The following ADAMTS19 variants were observed in gnomAD, a reference collection of about 807,000 sequenced individuals.
ADAMTS19 encodes A disintegrin and metalloproteinase with thrombospondin motifs 19.
ADAMTS19 carries 93 observed loss-of-function variants against 153.3 expected under a neutral mutation model. The ratio of observed to expected loss-of-function variants is 0.61; its 90% CI spans 0.51 to 0.72. The LOEUF (loss-of-function observed/expected upper bound fraction) is 0.72. Ranked by LOEUF, ADAMTS19 falls within the 30% of genes least tolerant of loss-of-function variation. The pLI is 0.00. For synonymous variants in ADAMTS19, 600 were observed against 556.6 expected, an observed-to-expected ratio of 1.08 and a Z score of -1.10; for missense variants, 1,482 against 1,552.1, an observed-to-expected ratio of 0.95 and a Z score of 0.76.
intron 22 of ADAMTS19, among the ~76,000 whole-genome samples, 174 bp from the exon 23 acceptor site, chr5:129,736,893 T>A (rs994861200): frequency 1.3e-5 from 2 of 152,128 alleles, no homozygotes; most frequent in African/African-American, 4.8e-5. Flanking sequence ...CTTTACTTTT[T>A]AATCATAGGA....
chr5:129,630,136 T>C (rs1325332717), intron 10 of ADAMTS19, among the ~76,000 whole-genome samples: 1 of 152,130 alleles, frequency 6.6e-6, no homozygotes, highest in Non-Finnish European at 1.5e-5. Context: ...CATCCAAGTT[T>C]GTAGGACTCT....
chr5:129,549,937 T>G, intron 6 of ADAMTS19, among the ~76,000 whole-genome samples: 1 of 133,088 alleles, frequency 7.5e-6, no homozygotes, highest in African/African-American at 3.0e-5. Context: ...TATATATACA[T>G]ATACATGTAT....
intron 21 of ADAMTS19, among the ~76,000 whole-genome samples, chr5:129,720,278 T>G (rs1756940857): frequency 6.6e-6 from 1 of 151,374 alleles, no homozygotes; most frequent in East Asian, 2.0e-4. Context: ...TTCAAGCGAT[T>G]CTTGTTCCTC....
rs1428794303 is a variant in ADAMTS19, at chr5:129,738,512, T to C, written c.*1294T>C. 1 of 151,998 alleles carries C rather than the reference T, an allele frequency of 6.6e-6. No homozygotes were observed. Among genetic ancestry groups the C allele is most frequent in the Non-Finnish European group, 1.5e-5 (1 of 67,976 alleles). 9.4% of individuals were successfully genotyped at this position (151,998 alleles called of 1,614,324 possible). ...TACTTCTCATTATAAAAGTTTCAGG[T>C]TCCCTAAAATTGGGGTTTCTTTACT... On this transcript the variant is annotated 3_prime_UTR_variant, in exon 23 of 23. Coordinates refer to ENST00000274487, the MANE Select transcript of ADAMTS19 (RefSeq NM_133638.6).
At chr5:129,679,723 T>C in intron 16 of ADAMTS19, 41 bp from the exon 17 acceptor site, 1 of 1,465,498 alleles carries the variant, frequency 6.8e-7, no homozygotes, top group Non-Finnish European at 9.2e-7. Flanking sequence ...TCAATGAAGC[T>C]GACTTGTTAA....
chr5:129,560,962 GAATTATTTA>G (rs1753491193), intron 7 of ADAMTS19, among the ~76,000 whole-genome samples: 1 of 151,992 alleles, frequency 6.6e-6, no homozygotes, highest in African/African-American at 2.4e-5. Context: ...TTACATTCTT[GAATTATTTA>G]AGATCCCAAA....
In ADAMTS19 at chr5:129,702,760, T is replaced by A. The variant is rs149121968; in HGVS notation, c.3159+1168T>A. Among the ~76,000 whole-genome samples, 1,134 of 151,684 alleles carry A rather than the reference T, an allele frequency of 7.5e-3. 21 individuals carry two copies. Among genetic ancestry groups the A allele is most frequent in the African/African-American group, 0.026 (1,082 of 41,310 alleles). ...CCCACCGCAACCCAATCAAAACATT[T>A]TTGCAAACTCTTCGGGAGAAAATTG... On this transcript the variant is annotated intron_variant, in intron 20 of 22. Transcript: ENST00000274487.
At chr5:129,587,368 A>G (rs1749866420) in intron 7 of ADAMTS19, among the ~76,000 whole-genome samples, 1 of 151,060 alleles carries the variant, frequency 6.6e-6, no homozygotes, top group Admixed American at 6.6e-5. Flanking sequence ...GCTAACTGCT[A>G]TATTTGGTCA....
intron 2 of ADAMTS19, among the ~76,000 whole-genome samples, chr5:129,473,091 C>CA (rs970273428): frequency 6.7e-6 from 1 of 148,886 alleles, no homozygotes; most frequent in African/African-American, 2.5e-5. Flanking sequence ...TCTCAAATGA[C>CA]AAAAAAATAA....
At chr5:129,623,249 T>A (rs30710) in intron 10 of ADAMTS19, among the ~76,000 whole-genome samples, 57,466 of 152,046 alleles carry the variant, frequency 0.38, 11,346 homozygotes, top group African/African-American at 0.49. Context: ...TGTTAGGTCC[T>A]TAAAATCTAA....
In ADAMTS19 at chr5:129,622,352, A is replaced by G. The variant is rs766872188; in HGVS notation, c.1770+4A>G. ...TTCTTTTTGTCAGGAGATGCAGGTA[A>G]AGATCCAGGTGGGGATTTTGTGCGT... On this transcript the variant is annotated splice_donor_region_variant and intron_variant, in intron 10 of 22. Transcript: ENST00000274487. 6.2e-7 allele frequency: 1 copy of G among 1,613,924 alleles called. No individual in the cohort carries two copies. Among genetic ancestry groups the G allele is most frequent in the Non-Finnish European group, 8.5e-7 (1 of 1,179,904 alleles).
At chr5:129,724,022 C>T (rs965276740) in intron 21 of ADAMTS19, among the ~76,000 whole-genome samples, 2 of 152,146 alleles carry the variant, frequency 1.3e-5, no homozygotes, top group Admixed American at 1.3e-4. Context: ...TAAGGGGTTG[C>T]GGAGACCACT....
chr5:129,643,462 G>T (rs1276088294), intron 11 of ADAMTS19, among the ~76,000 whole-genome samples: 3 of 151,376 alleles, frequency 2.0e-5, no homozygotes, highest in Non-Finnish European at 4.4e-5. Flanking sequence ...AAGTAGAATT[G>T]ATGGATTGAT....
In ADAMTS19 at chr5:129,738,526, G is replaced by A. The variant is rs868451415; in HGVS notation, c.*1308G>A. On this transcript the variant is annotated 3_prime_UTR_variant, in exon 23 of 23. Transcript: ENST00000274487. ...AAAGTTTCAGGTTCCCTAAAATTGG[G>A]GTTTCTTTACTATAAGACAATCCAA... 6.6e-6 allele frequency: 1 copy of A among 151,922 alleles called. No individual in the cohort carries two copies. Among genetic ancestry groups the A allele is most frequent in the Admixed American group, 6.6e-5 (1 of 15,218 alleles). 9.4% of individuals were successfully genotyped at this position (151,922 alleles called of 1,614,324 possible).
rs33935968 is a variant in ADAMTS19 at position 129,664,098 on chromosome 5, G to GA, written c.2426-1391dup. 1.7e-3 allele frequency among the ~76,000 whole-genome samples: 251 copies of GA among 149,542 alleles called. 1 individual carries two copies. In the South Asian group the frequency reaches 0.026, roughly 16 times the overall value. Reference sequence around the variant, plus strand: ...CCAAGTATGAGTAATTTTTAACAAGGAAAAAAAAAATCCTACCTCTGTGAA... The same window carrying GA: ...CCAAGTATGAGTAATTTTTAACAAGGAAAAAAAAAAATCCTACCTCTGTGAA... On this transcript the variant is annotated intron_variant, in intron 15 of 22. Coordinates refer to ENST00000274487, the MANE Select transcript of ADAMTS19 (RefSeq NM_133638.6).
intron 19 of ADAMTS19, among the ~76,000 whole-genome samples, chr5:129,696,694 G>A (rs1755571031): frequency 1.3e-5 from 2 of 152,078 alleles, no homozygotes; most frequent in Admixed American, 6.6e-5. Flanking sequence ...AACTTGGTTT[G>A]GTCTAACTCA....
At chr5:129,564,058 T>C (rs1245037156) in intron 7 of ADAMTS19, among the ~76,000 whole-genome samples, 1 of 152,160 alleles carries the variant, frequency 6.6e-6, no homozygotes, top group Non-Finnish European at 1.5e-5. Context: ...TAGCTGGCAT[T>C]ACAGGCATGT....
At chr5:129,670,246 A>G (rs957950836) in intron 16 of ADAMTS19, among the ~76,000 whole-genome samples, 1 of 152,064 alleles carries the variant, frequency 6.6e-6, no homozygotes, top group African/African-American at 2.4e-5. Context: ...TCTAATGTCA[A>G]TCTCCATTGT....
intron 6 of ADAMTS19, among the ~76,000 whole-genome samples, chr5:129,546,003 T>G (rs1178888493): frequency 6.7e-5 from 10 of 148,876 alleles, no homozygotes; most frequent in South Asian, 2.1e-4. Flanking sequence ...CCAACAATGA[T>G]AGACTGGATT....
Sources: gnomAD v4.1 joint callset for allele counts (sites outside exome capture counted in the v4.1 genomes callset) on GRCh38, gnomAD v4.1.1 for gene constraint, MANE v1.5 for transcripts, NCBI Gene and HGNC (gene_info 2026-07-23, HGNC 2026-07-21) for gene names.